The following DCAF5 variants were observed in gnomAD, a reference collection of about 807,000 sequenced individuals.
DCAF5 encodes the protein DDB1- and CUL4-associated factor 5.
DCAF5 carries 9 observed loss-of-function variants against 80.7 expected under a neutral mutation model. That is an observed-to-expected ratio of 0.11 (90% CI 0.07 to 0.19). The LOEUF is 0.19. DCAF5 is among the 10% of genes least tolerant of loss of function. The pLI is 1.00. For missense variants in DCAF5, 842 were observed against 1,205.7 expected (o/e 0.70, Z 4.47); for synonymous variants, 433 against 461.9 (o/e 0.94, Z 0.80).
rs2037751641 is a variant in DCAF5, at chr14:69,051,269, TTAAAAA to T, written c.*2582_*2587del. The T allele has an allele frequency of 6.5e-6, 1 of 152,786 alleles. No individual in the cohort carries two copies. The highest frequency in any genetic ancestry group is 2.4e-5 in the African/African-American group (1 of 41,588). 9.5% of individuals were successfully genotyped at this position (152,786 alleles called of 1,614,324 possible). A position where few individuals can be genotyped will look rare whatever the true frequency, so the allele number is the denominator to read the frequency against. On this transcript the variant is annotated 3_prime_UTR_variant, in exon 9 of 9. Coordinates refer to ENST00000341516, the MANE Select transcript of DCAF5 (RefSeq NM_003861.3). ...CTAATCAGTGCCATCTGTCCTGCTA[TTAAAAA>T]TATCTATTATGGAAGAAATTGGGTA...
intron 5 of DCAF5, among the ~76,000 whole-genome samples, chr14:69,095,538 TG>T (rs1471389640): frequency 4.3e-5 from 6 of 140,784 alleles, no homozygotes; most frequent in Non-Finnish European, 7.8e-5. Flanking sequence ...TGTTTTGTTT[TG>T]TTTTTTTAAG....
intron 1 of DCAF5, among the ~76,000 whole-genome samples, chr14:69,132,017 C>G (rs1235444364): frequency 6.6e-6 from 1 of 152,046 alleles, no homozygotes; most frequent in Non-Finnish European, 1.5e-5. Flanking sequence ...TATGTATAGA[C>G]TACATTTTGT....
intron 6 of DCAF5, among the ~76,000 whole-genome samples, chr14:69,076,813 A>T (rs1036932585): frequency 2.2e-4 from 33 of 152,230 alleles, no homozygotes; most frequent in Admixed American, 4.6e-4. Context: ...TTAAAAAAAA[A>T]TTTTAATGCA....
rs150179976 is a variant in DCAF5 at position 69,118,169 on chromosome 14, T to C, written c.505A>G (p.Ile169Val). The change falls in exon 4 of 9, where the codon ATT (isoleucine) becomes GTT (valine). Residue 169 changes from isoleucine (I) to valine (V), a missense_variant. Transcript: ENST00000341516. This position sits in a 1 kb window ranked among gnomAD's most constrained non-coding sequence, Gnocchi z 4.0. ...ASSSDDGRVL[I>V]WDIRESPHGE... ...TGGGGGGATTCCCGAATGTCCCAAA[T>C]GAGAACCCGGCCATCATCTGAGGAA... 4 of 1,613,978 alleles carry C rather than the reference T, an allele frequency of 2.5e-6. No individual in the cohort carries two copies. The highest frequency in any genetic ancestry group is 3.4e-6 in the Non-Finnish European group (4 of 1,179,896).
intron 5 of DCAF5, among the ~76,000 whole-genome samples, chr14:69,092,574 C>T (rs908997408): frequency 7.9e-5 from 12 of 152,140 alleles, no homozygotes; most frequent in Admixed American, 3.9e-4. Flanking sequence ...GCCATGGTCA[C>T]GCCACTGCAC....
chr14:69,094,894 T>C (rs1039549176), intron 5 of DCAF5, among the ~76,000 whole-genome samples: 14 of 152,186 alleles, frequency 9.2e-5, no homozygotes, highest in African/African-American at 2.9e-4. Flanking sequence ...CACCAGTTAA[T>C]TGTGATACAG....
chr14:69,116,478 T>G lies in DCAF5; in HGVS notation c.553A>C (p.Asn185His), dbSNP rs766476000. 1 of 1,613,326 alleles carries G rather than the reference T, an allele frequency of 6.2e-7. No homozygotes were observed. Among genetic ancestry groups the G allele is most frequent in the East Asian group, 2.2e-5 (1 of 44,864 alleles). ...SPHGEPFCLA[N>H]YPSAFHSVMF... Reference sequence around the variant, plus strand: ...ACACTATGAAAGGCTGATGGATAGTTTGCCAGGCAGAAGGGCTCTGTGGAA... The same window carrying G: ...ACACTATGAAAGGCTGATGGATAGTGTGCCAGGCAGAAGGGCTCTGTGGAA... Residue 185 changes from asparagine to histidine, a missense_variant, in exon 5 of 9, where the codon AAC becomes CAC. By Grantham distance (68) the Asn-to-His change is moderately conservative. Transcript: ENST00000341516.
intron 5 of DCAF5, among the ~76,000 whole-genome samples, chr14:69,098,759 G>C (rs1025653064): frequency 4.8e-5 from 7 of 146,788 alleles, no homozygotes; most frequent in Non-Finnish European, 1.0e-4. Flanking sequence ...TTAGCCGGGC[G>C]TAGTGGCAGG....
intron 6 of DCAF5, among the ~76,000 whole-genome samples, chr14:69,078,632 A>T (rs2038985028): frequency 6.6e-6 from 1 of 152,240 alleles, no homozygotes; most frequent in African/African-American, 2.4e-5. Flanking sequence ...TGAGGACATC[A>T]CATCATGCTA....
Position 69,053,965 on chromosome 14 carries a change from TGTGGCTGGGGTGTCA to T in DCAF5, c.2706_2720del (p.Thr904_Asp908del), listed in dbSNP as rs1405374488. ...GGCCATGAACAGCCCTGCTACTATC[TGTGGCTGGGGTGTCA>T]GTGGGGTCCTCTCTTGTTCCAGCAT... On this transcript the variant is annotated inframe_deletion, in exon 9 of 9. Coordinates refer to ENST00000341516, the MANE Select transcript of DCAF5 (RefSeq NM_003861.3). 3.1e-6 allele frequency: 5 copies of T among 1,613,002 alleles called. No homozygotes were observed. The highest frequency in any genetic ancestry group is 4.2e-6 in the Non-Finnish European group (5 of 1,179,514).
chr14:69,110,611 C>T (rs1286046218), intron 5 of DCAF5, among the ~76,000 whole-genome samples: 1 of 151,974 alleles, frequency 6.6e-6, no homozygotes, highest in Non-Finnish European at 1.5e-5. Context: ...CATGGTGGCT[C>T]ACATCTGTAA....
At chr14:69,067,336 T>C (rs2038484455) in intron 7 of DCAF5, among the ~76,000 whole-genome samples, 2 of 114,708 alleles carry the variant, frequency 1.7e-5, no homozygotes, top group Admixed American at 2.3e-4. Context: ...CGATTTCGTA[T>C]CTTTTTTTTT....
At chr14:69,112,625 ACAC>A (rs2040412101) in intron 5 of DCAF5, among the ~76,000 whole-genome samples, 3 of 151,828 alleles carry the variant, frequency 2.0e-5, no homozygotes, top group East Asian at 1.9e-4. Context: ...ACACACACAC[ACAC>A]AAATAACACA....
At chr14:69,063,110 T>A (rs2038289340) in intron 7 of DCAF5, among the ~76,000 whole-genome samples, 1 of 152,144 alleles carries the variant, frequency 6.6e-6, no homozygotes, top group Non-Finnish European at 1.5e-5. Context: ...AAAATTTGGA[T>A]CACTTTCATA....
intron 5 of DCAF5, among the ~76,000 whole-genome samples, chr14:69,112,514 C>T (rs2040403501): frequency 6.6e-6 from 1 of 150,552 alleles, no homozygotes; most frequent in South Asian, 2.1e-4. Flanking sequence ...GCCTAGGCAA[C>T]ATAGTGAGAT....
At chr14:69,106,819 C>T (rs373480190) in intron 5 of DCAF5, among the ~76,000 whole-genome samples, 2 of 152,142 alleles carry the variant, frequency 1.3e-5, no homozygotes, top group African/African-American at 4.8e-5. Context: ...ATGAGTGGAT[C>T]ACTTGAAGTC....
At chr14:69,140,765 T>C (rs2041344348) in intron 1 of DCAF5, among the ~76,000 whole-genome samples, 1 of 152,010 alleles carries the variant, frequency 6.6e-6, no homozygotes, top group African/African-American at 2.4e-5. Flanking sequence ...CCCTTTCTAA[T>C]AAAAGGCAAG....
At chr14:69,110,519 C>T (rs776621504) in intron 5 of DCAF5, among the ~76,000 whole-genome samples, 29 of 151,994 alleles carry the variant, frequency 1.9e-4, no homozygotes, top group Non-Finnish European at 3.8e-4. Flanking sequence ...CCAACTGCCT[C>T]GGCCTCCCAC....
At chr14:69,114,707 C>A (rs2040486853) in intron 5 of DCAF5, among the ~76,000 whole-genome samples, 1 of 151,950 alleles carries the variant, frequency 6.6e-6, no homozygotes, top group Admixed American at 6.6e-5. Flanking sequence ...TGCATAAAAC[C>A]CCCAAACCAA....
Sources: allele counts gnomAD v4.1 joint callset (sites outside exome capture counted in the v4.1 genomes callset), GRCh38; gene constraint gnomAD v4.1.1; non-coding constraint Gnocchi (gnomAD v3.1); transcripts MANE v1.5; gene names NCBI Gene and HGNC (gene_info 2026-07-23, HGNC 2026-07-21).